Variants in INTS6L observed in about 807,000 individuals in gnomAD.
INTS6L encodes the protein integrator complex subunit 6 like, also known as integrator complex subunit 6-like.
In INTS6L, 18 loss-of-function variants were observed where a neutral mutation model predicts 64.7. The observed-to-expected ratio is 0.28, with a 90% CI of 0.19 to 0.41. The LOEUF is 0.41. Among genes scored for constraint, INTS6L ranks in the 10% least tolerant of loss-of-function variants. The pLI, the probability that INTS6L is intolerant of heterozygous loss-of-function variation, is 1.00. For synonymous variants in INTS6L, 227 were observed against 235.9 expected (o/e 0.96, Z 0.34); for missense variants, 533 against 661.0 (o/e 0.81, Z 2.12).
intron 2 of INTS6L, 54 bp downstream of exon 2, chrX:135,521,372 G>A: frequency 8.9e-7 from 1 of 1,128,496 alleles, no homozygotes; most frequent in Non-Finnish European, 1.2e-6. Context: ...AGTCGGCGGG[G>A]GCTGCTTACC....
intron 15 of INTS6L, among the ~76,000 whole-genome samples, chrX:135,578,786 C>T (rs1176327875): frequency 8.9e-6 from 1 of 111,740 alleles, no homozygotes; most frequent in Non-Finnish European, 1.9e-5. Flanking sequence ...TACTACAATA[C>T]CTTCTTATCC....
rs1445182335 is a variant in INTS6L, at chrX:135,530,882, A to G, written c.189+9564A>G. Among the ~76,000 whole-genome samples, 10 of 111,908 alleles carry G rather than the reference A, an allele frequency of 8.9e-5. No individual in the cohort carries two copies. The Admixed American group carries it at 9.5e-4, about 11-fold the overall frequency. On this transcript the variant is annotated intron_variant, in intron 2 of 17. Transcript: ENST00000639893. ...TGAAGACTTTTGGGTGATGTGCCAG[A>G]TGTTTATAGAAAAAGTAGAATTCTA...
intron 10 of INTS6L, 112 bp from the exon 11 acceptor site, chrX:135,570,324 C>A: frequency 1.5e-6 from 1 of 669,596 alleles, no homozygotes; most frequent in Non-Finnish European, 2.1e-6. Flanking sequence ...GTTTTATGTG[C>A]AGCACCTTGA....
intron 14 of INTS6L, among the ~76,000 whole-genome samples, chrX:135,576,347 T>G (rs1178833815): frequency 1.2e-5 from 1 of 86,897 alleles, no homozygotes; most frequent in Admixed American, 1.2e-4. Context: ...AAAAAAAAAT[T>G]ACACCTAATT....
chrX:135,556,322 G>A (rs2086647903), intron 9 of INTS6L, 22 bp downstream of exon 9: 1 of 1,123,788 alleles, frequency 8.9e-7, no homozygotes, highest in Admixed American at 3.0e-5. Context: ...ATGTGCCACT[G>A]AATCATCTTT....
At position 135,577,077 on chromosome X, in the gene INTS6L, G is replaced by T. The variant is rs987288881; in HGVS notation, c.1885-116G>T. The T allele has an allele frequency of 4.4e-6, 3 of 684,513 alleles. No individual in the cohort carries two copies. The Admixed American group carries it at 9.3e-5, about 21-fold the overall frequency. 56.4% of individuals were successfully genotyped at this position (684,513 alleles called of 1,213,427 possible). ...GATTTAAAAAAATGAAAGAAAAAAA[G>T]ACATATTCGTGATATAATGCAAGAT... is the stretch of plus-strand genomic sequence containing the variant. On this transcript the variant is annotated intron_variant, in intron 14 of 17. Coordinates refer to ENST00000639893, the MANE Select transcript of INTS6L (RefSeq NM_001351601.3).
intron 6 of INTS6L, 84 bp downstream of exon 6, chrX:135,547,349 C>T: frequency 9.8e-7 from 1 of 1,018,127 alleles, no homozygotes; most frequent in Non-Finnish European, 1.3e-6. Context: ...ACACAGTCTT[C>T]ACTATCCACG....
At chrX:135,548,358 G>A (rs782020575) in intron 6 of INTS6L, among the ~76,000 whole-genome samples, 30 of 111,051 alleles carry the variant, frequency 2.7e-4, no homozygotes, top group Non-Finnish European at 5.7e-4. Flanking sequence ...AATCTCAGGG[G>A]TTTTTTGGGC....
At chrX:135,572,192 A>G (rs2087107194) in intron 11 of INTS6L, 1 of 112,281 alleles carries the variant, frequency 8.9e-6, no homozygotes, top group South Asian at 3.6e-4. Flanking sequence ...GCTATAATAC[A>G]CTCAAGCAGT....
chrX:135,531,186 T>C (rs1214829667), intron 2 of INTS6L, among the ~76,000 whole-genome samples: 2 of 112,924 alleles, frequency 1.8e-5, no homozygotes, highest in South Asian at 7.2e-4. Context: ...TGTCCTTGAC[T>C]ACATTTGAAA....
intron 16 of INTS6L, among the ~76,000 whole-genome samples, 161 bp downstream of exon 16, chrX:135,580,323 C>T (rs369951617): frequency 7.1e-5 from 8 of 112,117 alleles, no homozygotes; most frequent in African/African-American, 2.6e-4. Context: ...AAGGTACAGT[C>T]TATATTTTCC....
intron 2 of INTS6L, among the ~76,000 whole-genome samples, chrX:135,538,763 C>T (rs990952078): frequency 1.6e-4 from 18 of 112,336 alleles, no homozygotes; most frequent in African/African-American, 5.8e-4. Flanking sequence ...CCACGGGCTG[C>T]AGAATGGATG....
intron 15 of INTS6L, among the ~76,000 whole-genome samples, chrX:135,579,320 G>A (rs1211792273): frequency 8.9e-6 from 1 of 112,206 alleles, no homozygotes; most frequent in Non-Finnish European, 1.9e-5. Flanking sequence ...GTGATGGAGT[G>A]TGTATAGAAC....
chrX:135,523,718 A>C (rs1556499301), intron 2 of INTS6L, among the ~76,000 whole-genome samples: 4 of 112,188 alleles, frequency 3.6e-5, no homozygotes. Flanking sequence ...GCTATTTTAA[A>C]GGCTCCAGAT....
At chrX:135,569,294 G>C (rs781802484) in intron 9 of INTS6L, 43 bp from the exon 10 acceptor site, 1 of 920,242 alleles carries the variant, frequency 1.1e-6, no homozygotes, top group Non-Finnish European at 1.5e-6. Context: ...ATATCTTAGA[G>C]CTCAGGACTA....
chrX:135,570,685 C>G, intron 11 of INTS6L, 139 bp downstream of exon 11: 1 of 697,432 alleles, frequency 1.4e-6, no homozygotes, highest in Non-Finnish European at 2.0e-6. Flanking sequence ...ATGTGATTCT[C>G]TATGGCTTCT....
At chrX:135,567,233 A>G (rs931063126) in intron 9 of INTS6L, among the ~76,000 whole-genome samples, 23 of 111,929 alleles carry the variant, frequency 2.1e-4, no homozygotes, top group African/African-American at 7.5e-4. Context: ...AAGGAACTGG[A>G]AGAGAAAATA....
At chrX:135,573,183 A>C (rs923007650) in intron 12 of INTS6L, 150 bp downstream of exon 12, 1 of 494,632 alleles carries the variant, frequency 2.0e-6, no homozygotes, top group East Asian at 3.7e-5. Context: ...AGCAGATATC[A>C]ATATGGAATT....
At chrX:135,534,692 T>C (rs2086005269) in intron 2 of INTS6L, among the ~76,000 whole-genome samples, 1 of 106,631 alleles carries the variant, frequency 9.4e-6, no homozygotes, top group Non-Finnish European at 1.9e-5. Flanking sequence ...CTTTTTTTTT[T>C]TTTTTTTTTA....
Sources: allele counts gnomAD v4.1 joint callset (sites outside exome capture counted in the v4.1 genomes callset), GRCh38; gene constraint gnomAD v4.1.1; transcripts MANE v1.5; gene names NCBI Gene and HGNC (gene_info 2026-07-23, HGNC 2026-07-21).